ZDHHC20: variants seen among roughly 807,000 people sequenced by gnomAD.
ZDHHC20 encodes zDHHC palmitoyltransferase 20, also known as palmitoyltransferase ZDHHC20.
A neutral mutation model predicts 57.8 loss-of-function variants in ZDHHC20; 43 were observed. The ratio of observed to expected loss-of-function variants is 0.74; its 90% CI spans 0.58 to 0.96. ZDHHC20 has a LOEUF of 0.96. Among genes scored for constraint, ZDHHC20 ranks in the 40% least tolerant of loss-of-function variants. The pLI is 0.00. For synonymous variants in ZDHHC20, 157 were observed against 153.0 expected, an observed-to-expected ratio of 1.03 and a Z score of -0.19; for missense variants, 391 against 441.1, an observed-to-expected ratio of 0.89 and a Z score of 1.02.
At chr13:21,451,717 C>T (rs572363439) in intron 1 of ZDHHC20, among the ~76,000 whole-genome samples, 4 of 152,152 alleles carry the variant, frequency 2.6e-5, no homozygotes, top group East Asian at 3.9e-4. Context: ...TGGCCGGGCA[C>T]GGTGGCTCAA....
intron 12 of ZDHHC20, chr13:21,377,357 G>T (rs1872326958): frequency 6.0e-6 from 1 of 166,470 alleles, no homozygotes; most frequent in Non-Finnish European, 1.2e-5. Flanking sequence ...CCTGCGATCT[G>T]ACTCTGCCCG....
chr13:21,402,391 C>CATATA (rs1877800680), intron 5 of ZDHHC20, among the ~76,000 whole-genome samples: 1 of 152,058 alleles, frequency 6.6e-6, no homozygotes, highest in Non-Finnish European at 1.5e-5. Context: ...AGGTAGACCA[C>CATATA]AGATCATCTA....
chr13:21,395,794 C>T lies in ZDHHC20; in HGVS notation c.595-3940G>A, dbSNP rs1172026352. Reference sequence around the variant, plus strand: ...GGATTACAGGCATAAGCCACCGCGCCCCAACCCTATTTTCTTATTTTCTAT... The same window carrying T: ...GGATTACAGGCATAAGCCACCGCGCTCCAACCCTATTTTCTTATTTTCTAT... On this transcript the variant is annotated intron_variant, in intron 7 of 12. Coordinates refer to ENST00000400590, the MANE Select transcript of ZDHHC20 (RefSeq NM_001330059.2). Among the ~76,000 whole-genome samples, 16 of 152,128 alleles carry T rather than the reference C, an allele frequency of 1.1e-4. 1 individual carries two copies. Among genetic ancestry groups the T allele is most frequent in the Admixed American group, 9.8e-4 (15 of 15,278 alleles).
At chr13:21,425,413 G>A (rs894351244) in intron 2 of ZDHHC20, among the ~76,000 whole-genome samples, 3 of 151,982 alleles carry the variant, frequency 2.0e-5, no homozygotes, top group Non-Finnish European at 4.4e-5. Flanking sequence ...TGAGTACTAG[G>A]TGTTGTACAA....
intron 1 of ZDHHC20, among the ~76,000 whole-genome samples, chr13:21,435,967 C>T (rs901523595): frequency 2.4e-4 from 36 of 152,154 alleles, no homozygotes; most frequent in African/African-American, 8.2e-4. Flanking sequence ...CTTCAGCAAC[C>T]GGCAGGGAGC....
intron 3 of ZDHHC20, among the ~76,000 whole-genome samples, chr13:21,414,929 A>G (rs2137874669): frequency 6.6e-6 from 1 of 151,840 alleles, no homozygotes; most frequent in East Asian, 1.9e-4. Context: ...TTTGTTCTTC[A>G]TTGTGTTTTA....
At chr13:21,407,653 T>C (rs1478149939) in intron 4 of ZDHHC20, among the ~76,000 whole-genome samples, 1 of 152,244 alleles carries the variant, frequency 6.6e-6, no homozygotes, top group Non-Finnish European at 1.5e-5. Flanking sequence ...TTGGCTTTTG[T>C]TGCAATTGCT....
At chr13:21,437,459 G>T (rs1316012406) in intron 1 of ZDHHC20, among the ~76,000 whole-genome samples, 2 of 152,286 alleles carry the variant, frequency 1.3e-5, no homozygotes, top group South Asian at 2.1e-4. Flanking sequence ...GGAAGAAGAG[G>T]TCACCTAGAA....
intron 7 of ZDHHC20, among the ~76,000 whole-genome samples, chr13:21,393,071 G>C (rs1273326901): frequency 6.6e-6 from 1 of 151,776 alleles, no homozygotes; most frequent in Non-Finnish European, 1.5e-5. Context: ...TATAAATCCT[G>C]TTGAAAGAAC....
At chr13:21,453,831 A>G (rs1884676881) in intron 1 of ZDHHC20, among the ~76,000 whole-genome samples, 1 of 152,164 alleles carries the variant, frequency 6.6e-6, no homozygotes, top group Admixed American at 6.5e-5. Flanking sequence ...ACTGTCTTAA[A>G]ACAAAACAAA....
intron 7 of ZDHHC20, among the ~76,000 whole-genome samples, chr13:21,393,116 A>G (rs1468531473): frequency 2.6e-5 from 4 of 151,914 alleles, no homozygotes; most frequent in Non-Finnish European, 5.9e-5. Context: ...CATCTATAAC[A>G]TTTTCTCAAG....
At chr13:21,401,722 AAAATTC>A in intron 5 of ZDHHC20, 37 bp from the exon 6 acceptor site, 1 of 1,474,786 alleles carries the variant, frequency 6.8e-7, no homozygotes, top group Non-Finnish European at 9.0e-7. Context: ...TCCATGCAGA[AAAATTC>A]TTCTAATTCT....
intron 11 of ZDHHC20, among the ~76,000 whole-genome samples, chr13:21,380,155 A>G (rs1461169844): frequency 1.5e-5 from 2 of 133,640 alleles, no homozygotes; most frequent in Non-Finnish European, 1.6e-5. Context: ...TCACTCTGTC[A>G]CCCAGGCTGG....
intron 1 of ZDHHC20, among the ~76,000 whole-genome samples, chr13:21,445,926 G>A (rs1477441035): frequency 1.3e-5 from 2 of 152,194 alleles, no homozygotes; most frequent in Admixed American, 6.5e-5. Flanking sequence ...CGATCTAGAC[G>A]AAGTGAGAGC....
At chr13:21,450,462 TC>T (rs1221811110) in intron 1 of ZDHHC20, among the ~76,000 whole-genome samples, 2 of 152,210 alleles carry the variant, frequency 1.3e-5, no homozygotes, top group Admixed American at 6.5e-5. Flanking sequence ...ATCTTTTTTT[TC>T]ATTTGATTTT....
intron 9 of ZDHHC20, among the ~76,000 whole-genome samples, chr13:21,384,904 A>C (rs1263101822): frequency 6.6e-6 from 1 of 152,100 alleles, no homozygotes; most frequent in Non-Finnish European, 1.5e-5. Context: ...CAAAATGTCC[A>C]CCACCCAATC....
At chr13:21,408,643 A>T (rs1379124490) in intron 4 of ZDHHC20, among the ~76,000 whole-genome samples, 1 of 152,164 alleles carries the variant, frequency 6.6e-6, no homozygotes, top group Non-Finnish European at 1.5e-5. Context: ...AACTTCCAAT[A>T]CTATGTTGAA....
intron 1 of ZDHHC20, among the ~76,000 whole-genome samples, chr13:21,440,024 G>T (rs141411222): frequency 7.3e-6 from 1 of 137,092 alleles, no homozygotes; most frequent in African/African-American, 2.8e-5. Context: ...CCAAGATCGC[G>T]CCATGGCACT....
intron 4 of ZDHHC20, among the ~76,000 whole-genome samples, chr13:21,408,651 G>C (rs1238716013): frequency 6.6e-6 from 1 of 152,144 alleles, no homozygotes; most frequent in Non-Finnish European, 1.5e-5. Flanking sequence ...ATACTATGTT[G>C]AATAGGAGTG....
Sources: allele counts gnomAD v4.1 joint callset (sites outside exome capture counted in the v4.1 genomes callset), GRCh38; gene constraint gnomAD v4.1.1; transcripts MANE v1.5; gene names NCBI Gene and HGNC (gene_info 2026-07-23, HGNC 2026-07-21).